Variants in CSMD1 observed in about 807,000 individuals in gnomAD.
The protein encoded by CSMD1 is CUB and Sushi multiple domains 1, also known as CUB and sushi domain-containing protein 1.
In CSMD1, 213 loss-of-function variants were observed where a neutral mutation model predicts 417.5. That is an observed-to-expected ratio of 0.51 (90% CI 0.46 to 0.57). The LOEUF (loss-of-function observed/expected upper bound fraction) is 0.57. Ranked by LOEUF, CSMD1 falls within the 20% of genes least tolerant of loss-of-function variation. CSMD1 has a pLI of 0.00. For synonymous variants in CSMD1, 2,862 were observed against 1,736.8 expected (o/e 1.65, Z -16.11); for missense variants, 6,923 against 4,529.7 (o/e 1.53, Z -15.17).
intron 1 of CSMD1, among the ~76,000 whole-genome samples, chr8:4,678,775 C>T (rs1292220888): frequency 1.3e-5 from 2 of 152,176 alleles, no homozygotes; most frequent in Non-Finnish European, 2.9e-5. Context: ...TGTCTCTCGT[C>T]TTACCTTTGA....
At chr8:4,794,238 A>G (rs1585109340) in intron 1 of CSMD1, among the ~76,000 whole-genome samples, 1 of 70,532 alleles carries the variant, frequency 1.4e-5, no homozygotes, top group South Asian at 5.2e-4. Context: ...ACTTTTTGTC[A>G]GTAATATTTT....
At chr8:3,010,514 G>C (rs1435866649) in intron 52 of CSMD1, among the ~76,000 whole-genome samples, 1 of 152,032 alleles carries the variant, frequency 6.6e-6, no homozygotes, top group Non-Finnish European at 1.5e-5. Context: ...CTTGTTTCAG[G>C]CAAGTCCGAC....
intron 1 of CSMD1, among the ~76,000 whole-genome samples, chr8:4,676,520 A>G (rs1252746165): frequency 1.3e-5 from 2 of 152,172 alleles, no homozygotes; most frequent in Non-Finnish European, 2.9e-5. Context: ...AATATATCTC[A>G]TAATTTCCTG....
chr8:4,204,845 A>G (rs1248037805), intron 3 of CSMD1, among the ~76,000 whole-genome samples: 1 of 151,900 alleles, frequency 6.6e-6, no homozygotes, highest in Non-Finnish European at 1.5e-5. Context: ...TTTTTTTACA[A>G]AGACAGGGTA....
intron 11 of CSMD1, among the ~76,000 whole-genome samples, chr8:3,471,205 C>T (rs143633043): frequency 2.0e-4 from 31 of 152,298 alleles, no homozygotes; most frequent in East Asian, 9.6e-4. Flanking sequence ...ACTTTAACAG[C>T]TACGTGCATT....
At chr8:4,445,161 A>T (rs755629244) in intron 2 of CSMD1, among the ~76,000 whole-genome samples, 1 of 152,220 alleles carries the variant, frequency 6.6e-6, no homozygotes, top group Non-Finnish European at 1.5e-5. Flanking sequence ...TGATGGCACT[A>T]GAAGAATCTG....
intron 1 of CSMD1, among the ~76,000 whole-genome samples, chr8:4,672,733 G>T (rs116068872): frequency 6.6e-6 from 1 of 151,018 alleles, no homozygotes; most frequent in Admixed American, 6.6e-5. Flanking sequence ...CACAACACAC[G>T]CACTCTCATA....
chr8:4,242,632 T>G (rs2128822951), intron 3 of CSMD1, among the ~76,000 whole-genome samples: 1 of 152,302 alleles, frequency 6.6e-6, no homozygotes, highest in Middle Eastern at 3.4e-3. Context: ...ATGAGGCATC[T>G]TTGTGTGTTT....
intron 2 of CSMD1, among the ~76,000 whole-genome samples, chr8:4,489,962 A>G (rs748947736): frequency 6.6e-6 from 1 of 152,028 alleles, no homozygotes; most frequent in Admixed American, 6.6e-5. Flanking sequence ...AAGTAGCAAC[A>G]GGAAGTGAAT....
At chr8:3,372,610 G>C (rs531219542) in intron 18 of CSMD1, among the ~76,000 whole-genome samples, 3 of 152,242 alleles carry the variant, frequency 2.0e-5, no homozygotes, top group South Asian at 4.1e-4. Flanking sequence ...GGAGGAGCTG[G>C]GGGTGATTGT....
chr8:3,412,769 G>A (rs1433223893), intron 12 of CSMD1, among the ~76,000 whole-genome samples: 1 of 152,238 alleles, frequency 6.6e-6, no homozygotes, highest in Non-Finnish European at 1.5e-5. Context: ...AGTTCTTGGA[G>A]TTTAGGTTGT....
intron 6 of CSMD1, among the ~76,000 whole-genome samples, chr8:3,714,163 T>C (rs1285751427): frequency 6.7e-6 from 1 of 150,204 alleles, no homozygotes; most frequent in Non-Finnish European, 1.5e-5. Flanking sequence ...GTTAATAACA[T>C]ATTACATATT....
intron 5 of CSMD1, among the ~76,000 whole-genome samples, chr8:3,790,371 G>C (rs903662984): frequency 6.6e-6 from 1 of 152,066 alleles, no homozygotes; most frequent in African/African-American, 2.4e-5. Flanking sequence ...TAGTGACGGT[G>C]ATGGTTATGA....
chr8:3,374,679 C>A (rs1289233210), intron 18 of CSMD1, among the ~76,000 whole-genome samples: 3 of 152,172 alleles, frequency 2.0e-5, no homozygotes, highest in Admixed American at 6.5e-5. Flanking sequence ...AGATCAGAAG[C>A]AACCCTATGG....
intron 32 of CSMD1, among the ~76,000 whole-genome samples, chr8:3,201,205 T>C (rs1432190890): frequency 6.6e-6 from 1 of 152,224 alleles, no homozygotes; most frequent in African/African-American, 2.4e-5. Flanking sequence ...CATGTGTGGC[T>C]ATTAATGGGT....
chr8:3,387,590 T>C lies in CSMD1; in HGVS notation c.2686A>G (p.Thr896Ala), dbSNP rs752757436. The C allele has an allele frequency of 1.2e-6, 2 of 1,601,046 alleles. No individual in the cohort carries two copies. Among genetic ancestry groups the C allele is most frequent in the Non-Finnish European group, 1.7e-6 (2 of 1,173,822 alleles). Residue 896 changes from threonine to alanine, a missense_variant, in exon 18 of 70, where the codon ACT becomes GCT. Thr to Ala is a moderately conservative substitution (Grantham distance 58, BLOSUM62 0). Transcript: ENST00000635120. ...GGDFGIRSTV[T>A]FSCDPGYTLS... ...GTGTACCCCGGGTCACAGCTGAAAG[T>C]CACTGTGGACCTGATGCCAAAGTCT...
At chr8:4,615,323 C>T (rs1198864716) in intron 2 of CSMD1, among the ~76,000 whole-genome samples, 3 of 152,078 alleles carry the variant, frequency 2.0e-5, no homozygotes, top group Non-Finnish European at 4.4e-5. Context: ...TCCCCCAAAC[C>T]CAGAAAACTC....
rs775440523 is a variant in CSMD1 at position 4,197,937 on chromosome 8, G to A, written c.416-165838C>T. 2.0e-5 allele frequency among the ~76,000 whole-genome samples: 3 copies of A among 152,118 alleles called. No individual in the cohort carries two copies. In the South Asian group the frequency reaches 6.2e-4, roughly 32 times the overall value. ...ATCTATTCATTCATTTAGTAATTCT[G>A]TACACATTGTCTTCTATTCATTGGC... On this transcript the variant is annotated intron_variant, in intron 3 of 69. Coordinates refer to ENST00000635120, the MANE Select transcript of CSMD1 (RefSeq NM_033225.6).
At chr8:4,221,664 G>C (rs1419896054) in intron 3 of CSMD1, among the ~76,000 whole-genome samples, 1 of 152,162 alleles carries the variant, frequency 6.6e-6, no homozygotes, top group African/African-American at 2.4e-5. Flanking sequence ...CTACTTGACA[G>C]GAGAGGCACT....
Sources: allele counts gnomAD v4.1 joint callset (sites outside exome capture counted in the v4.1 genomes callset), GRCh38; gene constraint gnomAD v4.1.1; transcripts MANE v1.5; gene names NCBI Gene and HGNC (gene_info 2026-07-23, HGNC 2026-07-21).